Variants in RRN3 observed in about 807,000 individuals in gnomAD.
The protein encoded by RRN3 is RNA polymerase I transcription factor RRN3, also known as RNA polymerase I-specific transcription initiation factor RRN3.
Under a neutral mutation model 82.3 loss-of-function variants are expected in RRN3, and 38 were observed. The ratio of observed to expected loss-of-function variants is 0.46; its 90% CI spans 0.36 to 0.61. The LOEUF is 0.61. Ranked by LOEUF, RRN3 falls within the 20% of genes least tolerant of loss-of-function variation. The pLI, the probability that RRN3 is intolerant of heterozygous loss-of-function variation, is 0.00. For missense variants in RRN3, 726 were observed against 793.1 expected (o/e 0.92, Z 1.02); for synonymous variants, 284 against 284.3 (o/e 1.00, Z 0.01).
intron 16 of RRN3, among the ~76,000 whole-genome samples, chr16:15,064,803 G>A (rs546296567): frequency 6.6e-5 from 10 of 152,310 alleles, no homozygotes; most frequent in South Asian, 2.1e-4. Flanking sequence ...CATCAACAGC[G>A]AGGAAGGGCC....
In RRN3 at chr16:15,073,076, C is replaced by A. The variant is rs1026608606; in HGVS notation, c.1002G>T (p.Lys334Asn). 1.2e-6 allele frequency: 2 copies of A among 1,607,070 alleles called. No homozygotes were observed. The highest frequency in any genetic ancestry group is 2.7e-5 in the African/African-American group (2 of 74,426). Residue 334 changes from lysine (K) to asparagine (N), a missense_variant, in exon 12 of 18, where the codon AAG becomes AAT. Around this residue, in one of 4 missense-constraint regions of RRN3, gnomAD observed 344 missense variants for 394.5 expected, o/e 0.87. Coordinates refer to ENST00000198767, the MANE Select transcript of RRN3 (RefSeq NM_018427.5). ...YMKDVCYVDGKVDNGKTKDLY... is the reference protein window; with the variant it reads ...YMKDVCYVDGNVDNGKTKDLY... ...GATCCTTTGTTTTGCCGTTATCAAC[C>A]TTACCTATGGAGAAAATCTGGCATC...
rs976196390 is a variant in RRN3, at chr16:15,073,232, A to G, written c.998-152T>C. ...TGCAATCCCAGCACTTTGGGAGGCC[A>G]AAGTGAGAGGGAGCCCGGGAGTTCA... On this transcript the variant is annotated intron_variant, in intron 11 of 17. Transcript: ENST00000198767. The G allele has an allele frequency of 9.9e-5, 83 of 841,782 alleles. No individual in the cohort carries two copies. In the African/African-American group the frequency reaches 1.3e-3, roughly 13 times the overall value. 52.1% of individuals were successfully genotyped at this position (841,782 alleles called of 1,614,324 possible). A position where few individuals can be genotyped will look rare whatever the true frequency, so the allele number is the denominator to read the frequency against.
intron 17 of RRN3, among the ~76,000 whole-genome samples, chr16:15,062,389 G>C (rs1276153056): frequency 1.3e-5 from 2 of 152,112 alleles, no homozygotes; most frequent in Non-Finnish European, 2.9e-5. Context: ...TAAAGAAAAA[G>C]ATGAAAGGGG....
intron 15 of RRN3, 21 bp downstream of exon 15, chr16:15,068,148 A>G (rs761776324): frequency 6.6e-7 from 1 of 1,505,594 alleles, no homozygotes; most frequent in African/African-American, 1.4e-5. Context: ...AACTCCCATC[A>G]AGAAAGCGTA....
Position 15,083,577 on chromosome 16 carries a change from G to C in RRN3, c.602C>G (p.Pro201Arg), listed in dbSNP as rs757728721. 2 of 1,605,884 alleles carry C rather than the reference G, an allele frequency of 1.2e-6. No individual in the cohort carries two copies. Among genetic ancestry groups the C allele is most frequent in the Non-Finnish European group, 8.5e-7 (1 of 1,177,736 alleles). ...QIIARYVPST[P>R]WFLMPILVEK... ...CACCAGTATTGGCATGAGAAACCAC[G>C]GTGTCCTATTTTTAAAAAATTAAAT... The change falls in exon 8 of 18, where the codon CCG becomes CGG. Residue 201 changes from proline (P) to arginine (R), a missense_variant. Around this residue, in one of 4 missense-constraint regions of RRN3, gnomAD observed 344 missense variants for 394.5 expected, o/e 0.87. Coordinates refer to ENST00000198767, the MANE Select transcript of RRN3 (RefSeq NM_018427.5).
intron 13 of RRN3, 91 bp downstream of exon 13, chr16:15,071,030 A>G (rs2045202518): frequency 1.7e-6 from 2 of 1,182,302 alleles, no homozygotes; most frequent in South Asian, 3.1e-5. Context: ...AAACATGCCA[A>G]AAAAAATGGG....
rs150118691 is a variant in RRN3 at position 15,088,281 on chromosome 16, G to C, written c.253-1827C>G. ...GCTTGAGCCCAGGAATTTGAGACCA[G>C]CCTGGGCAACATGGGGAGACCTCAT... On this transcript the variant is annotated intron_variant, in intron 3 of 17. Transcript: ENST00000198767. Among the ~76,000 whole-genome samples, 4 of 152,284 alleles carry C rather than the reference G, an allele frequency of 2.6e-5. No homozygotes were observed. In the East Asian group the frequency reaches 7.7e-4, roughly 29 times the overall value.
At chr16:15,061,979 G>T (rs908872470) in intron 17 of RRN3, 74 bp from the exon 18 acceptor site, 2 of 1,433,580 alleles carry the variant, frequency 1.4e-6, no homozygotes, top group Non-Finnish European at 1.9e-6. Flanking sequence ...CCTTCCTCAG[G>T]AAGGTGTTAA....
intron 3 of RRN3, among the ~76,000 whole-genome samples, chr16:15,090,764 C>T (rs1290335463): frequency 1.1e-4 from 17 of 152,116 alleles, no homozygotes; most frequent in Non-Finnish European, 2.4e-4. Flanking sequence ...AGTAATAAAC[C>T]ATTCTCTTCA....
intron 6 of RRN3, 33 bp downstream of exon 6, chr16:15,085,606 C>T (rs756274374): frequency 4.4e-6 from 7 of 1,604,050 alleles, no homozygotes; most frequent in Non-Finnish European, 6.0e-6. Context: ...GTGAAAGCTA[C>T]TGTGCCCAGG....
intron 8 of RRN3, among the ~76,000 whole-genome samples, chr16:15,081,840 A>C (rs1165867441): frequency 6.6e-6 from 1 of 152,208 alleles, no homozygotes; most frequent in Non-Finnish European, 1.5e-5. Flanking sequence ...ATTTTTAAAT[A>C]TGGATATCCA....
chr16:15,073,740 A>C (rs1222553268), intron 11 of RRN3, among the ~76,000 whole-genome samples: 1 of 152,228 alleles, frequency 6.6e-6, no homozygotes, highest in Non-Finnish European at 1.5e-5. Flanking sequence ...TCATGGTGAA[A>C]ACAGTAAAAG....
chr16:15,087,271 G>T (rs2151816937), intron 3 of RRN3, among the ~76,000 whole-genome samples: 2 of 152,246 alleles, frequency 1.3e-5, no homozygotes, highest in African/African-American at 4.8e-5. Flanking sequence ...CATATGCCAG[G>T]CATGGTGCCT....
At chr16:15,088,556 CA>C (rs2045997441) in intron 3 of RRN3, among the ~76,000 whole-genome samples, 1 of 151,942 alleles carries the variant, frequency 6.6e-6, no homozygotes, top group African/African-American at 2.4e-5. Context: ...ACTGCTGATA[CA>C]AAATACAGTG....
chr16:15,060,145 T>A lies in RRN3; in HGVS notation c.*1599A>T. On this transcript the variant is annotated 3_prime_UTR_variant, in exon 18 of 18. Coordinates refer to ENST00000198767, the MANE Select transcript of RRN3 (RefSeq NM_018427.5). ...CAAACTCCTTTGAAATTAAACAGAC[T>A]TATATGTAAATGTCTTTCTACATTA... 1 of 410,740 alleles carries A rather than the reference T, an allele frequency of 2.4e-6. No homozygotes were observed. Among genetic ancestry groups the A allele is most frequent in the Non-Finnish European group, 4.8e-6 (1 of 208,068 alleles). 25.4% of individuals were successfully genotyped at this position (410,740 alleles called of 1,614,324 possible).
chr16:15,088,121 AG>A (rs1200885557), intron 3 of RRN3, among the ~76,000 whole-genome samples: 1 of 150,292 alleles, frequency 6.7e-6, no homozygotes, highest in Non-Finnish European at 1.5e-5. Context: ...CGTCTCAAAA[AG>A]AAAAAAAAAA....
intron 9 of RRN3, among the ~76,000 whole-genome samples, chr16:15,077,198 C>T (rs1180456149): frequency 4.0e-5 from 6 of 151,740 alleles, no homozygotes; most frequent in African/African-American, 9.7e-5. Context: ...AGGCTGGTCT[C>T]GAACTCCTGA....
In RRN3 at chr16:15,074,854, T is replaced by C. The variant is rs753169867; in HGVS notation, c.866A>G (p.Asp289Gly). The C allele has an allele frequency of 2.5e-6, 4 of 1,607,346 alleles. No individual in the cohort carries two copies. Among genetic ancestry groups the C allele is most frequent in the Non-Finnish European group, 2.5e-6 (3 of 1,177,430 alleles). The change falls in exon 11 of 18, where the codon GAT (aspartate) becomes GGT (glycine). Residue 289 changes from aspartate to glycine, a missense_variant. Physicochemically the swap from Asp to Gly is moderately conservative, Grantham distance 94. Transcript: ENST00000198767. The part of the protein sequence containing the change: ...STEGLFNMDE[D>G]EETEHETKAG... The stretch of plus-strand genomic sequence containing the variant: ...CTTTGTTTCATGTTCAGTTTCTTCA[T>C]CTTCATCCTTTGAAGACAAAAAGTA...
At chr16:15,093,148 G>A (rs2046205826) in intron 1 of RRN3, among the ~76,000 whole-genome samples, 1 of 152,080 alleles carries the variant, frequency 6.6e-6, no homozygotes, top group Non-Finnish European at 1.5e-5. Context: ...GGGATTACAG[G>A]CACCTGCCAC....
Sources: gnomAD v4.1 joint callset for allele counts (sites outside exome capture counted in the v4.1 genomes callset) on GRCh38, gnomAD v4.1.1 for gene constraint, gnomAD v4.1.1 regional missense constraint, MANE v1.5 for transcripts, NCBI Gene and HGNC (gene_info 2026-07-23, HGNC 2026-07-21) for gene names.